TRIP13: variants seen among roughly 807,000 people sequenced by gnomAD.
TRIP13 encodes pachytene checkpoint protein 2 homolog.
In TRIP13, 25 loss-of-function variants were observed where a neutral mutation model predicts 54.4. That is an observed-to-expected ratio of 0.46 (90% confidence interval 0.33 to 0.64). The LOEUF (loss-of-function observed/expected upper bound fraction) is 0.64. Ranked by LOEUF, TRIP13 falls within the 30% of genes least tolerant of loss-of-function variation. The pLI, the probability that TRIP13 is intolerant of heterozygous loss-of-function variation, is 0.02. For missense variants in TRIP13, 373 were observed against 534.2 expected, an observed-to-expected ratio of 0.70 and a Z score of 2.97; for synonymous variants, 207 against 207.8, an observed-to-expected ratio of 1.00 and a Z score of 0.03.
At chr5:910,972 C>CA (rs756752907) in intron 9 of TRIP13, among the ~76,000 whole-genome samples, 6 of 152,254 alleles carry the variant, frequency 3.9e-5, no homozygotes, top group Non-Finnish European at 8.8e-5. Context: ...TGACCTTCCC[C>CA]AGGCAGCAGT....
Position 917,372 on chromosome 5 carries a change from C to T in TRIP13, c.*269C>T, listed in dbSNP as rs1279674907. The stretch of plus-strand genomic sequence containing the variant: ...TGTTTGTCTCCTTGTGAAGAACCAT[C>T]GAAACCTGTTTGTTCCCAGCCCACC... On this transcript the variant is annotated 3_prime_UTR_variant, in exon 13 of 13. Coordinates refer to ENST00000166345, the MANE Select transcript of TRIP13 (RefSeq NM_004237.4). The T allele has an allele frequency of 5.9e-6, 2 of 341,324 alleles. No individual in the cohort carries two copies. Among genetic ancestry groups the T allele is most frequent in the South Asian group, 4.7e-5 (1 of 21,338 alleles). 21.1% of individuals were successfully genotyped at this position (341,324 alleles called of 1,614,324 possible).
intron 4 of TRIP13, among the ~76,000 whole-genome samples, chr5:900,828 G>T (rs1203446122): frequency 2.6e-5 from 4 of 152,152 alleles, no homozygotes; most frequent in Admixed American, 6.5e-5. Context: ...AGCAAGCCTG[G>T]TCCGCACAAA....
At chr5:896,921 C>T in intron 3 of TRIP13, 127 bp downstream of exon 3, 1 of 1,144,386 alleles carries the variant, frequency 8.7e-7, no homozygotes, top group Non-Finnish European at 1.2e-6. Context: ...TGTTTTCTCT[C>T]TTATGAAATG....
chr5:905,234 C>T (rs1483452155), intron 6 of TRIP13, among the ~76,000 whole-genome samples: 4 of 152,014 alleles, frequency 2.6e-5, no homozygotes, highest in Non-Finnish European at 4.4e-5. Flanking sequence ...CTGAAGGATC[C>T]GTGGGCACTC....
intron 2 of TRIP13, among the ~76,000 whole-genome samples, chr5:896,464 A>C (rs778304457): frequency 2.6e-5 from 4 of 152,240 alleles, no homozygotes; most frequent in Non-Finnish European, 5.9e-5. Context: ...GGGCCCAAAG[A>C]GCAAGGGATG....
At position 911,766 on chromosome 5, in the gene TRIP13, C is replaced by G; in HGVS notation, c.867-77C>G. The stretch of plus-strand genomic sequence containing the variant: ...TGCTGGCCATCGTCCTGCCAACCTC[C>G]TTGCCAGATAGGGCAGGATAGAATT... On this transcript the variant is annotated intron_variant, in intron 9 of 12. Coordinates refer to ENST00000166345, the MANE Select transcript of TRIP13 (RefSeq NM_004237.4). The surrounding 1 kb of genome is among the most constrained non-coding windows in gnomAD (Gnocchi z 4.7). The G allele has an allele frequency of 6.6e-7, 1 of 1,522,484 alleles. No homozygotes were observed. 94.3% of individuals were successfully genotyped at this position (1,522,484 alleles called of 1,614,324 possible). A position where few individuals can be genotyped will look rare whatever the true frequency, so the allele number is the denominator to read the frequency against.
rs1479709966 is a variant in TRIP13 at position 911,498 on chromosome 5, G to A, written c.867-345G>A. Among the ~76,000 whole-genome samples the A allele has an allele frequency of 3.3e-5, 5 of 151,976 alleles. No individual in the cohort carries two copies. The highest frequency in any genetic ancestry group is 5.9e-5 in the Non-Finnish European group (4 of 67,984). ...AGGCAGGAGAATGGTGTGAACCGGC[G>A]AGGCGGAGCTTGCAGTGAGCCGAGA... On this transcript the variant is annotated intron_variant, in intron 9 of 12. Coordinates refer to ENST00000166345, the MANE Select transcript of TRIP13 (RefSeq NM_004237.4). The surrounding 1 kb of genome is among the most constrained non-coding windows in gnomAD (Gnocchi z 4.7).
Position 907,286 on chromosome 5 carries a change from GA to G in TRIP13, c.672+94del. 1.7e-6 allele frequency: 2 copies of G among 1,143,592 alleles called. No individual in the cohort carries two copies. The highest frequency in any genetic ancestry group is 2.6e-6 in the Non-Finnish European group (2 of 774,832). 70.8% of individuals were successfully genotyped at this position (1,143,592 alleles called of 1,614,324 possible). ...AAATCCTCCTCCAGAAGCTTCAGGA[GA>G]GAACTGGGTGGGAAGGGTGTGTGAG... On this transcript the variant is annotated intron_variant, in intron 7 of 12. Coordinates refer to ENST00000166345, the MANE Select transcript of TRIP13 (RefSeq NM_004237.4). This position sits in a 1 kb window ranked among gnomAD's most constrained non-coding sequence, Gnocchi z 4.1.
chr5:907,211 A>G lies in TRIP13; in HGVS notation c.672+18A>G. ...TTTCGGAAGTAAGTATTAAATATTA[A>G]TTCTAATTGTCTGGATTGTATAGCT... On this transcript the variant is annotated intron_variant, in intron 7 of 12. Coordinates refer to ENST00000166345, the MANE Select transcript of TRIP13 (RefSeq NM_004237.4). This position sits in a 1 kb window ranked among gnomAD's most constrained non-coding sequence, Gnocchi z 4.1. 1 of 1,599,072 alleles carries G rather than the reference A, an allele frequency of 6.3e-7. No homozygotes were observed. Among genetic ancestry groups the G allele is most frequent in the Non-Finnish European group, 8.6e-7 (1 of 1,166,558 alleles).
At position 914,359 on chromosome 5, in the gene TRIP13, G is replaced by A. The variant is rs2289828; in HGVS notation, c.1021-106G>A. ...GTCACCGTCTGGATTTCTGTGAGAC[G>A]TGGCGTGGTTGACATTTGACCTGCA... On this transcript the variant is annotated intron_variant, in intron 10 of 12. Coordinates refer to ENST00000166345, the MANE Select transcript of TRIP13 (RefSeq NM_004237.4). 8.2e-6 allele frequency: 6 copies of A among 735,002 alleles called. No homozygotes were observed. In the East Asian group the frequency reaches 1.5e-4, roughly 18 times the overall value. 45.5% of individuals were successfully genotyped at this position (735,002 alleles called of 1,614,324 possible).
chr5:904,716 G>T (rs751068143), intron 6 of TRIP13, among the ~76,000 whole-genome samples: 1 of 151,562 alleles, frequency 6.6e-6, no homozygotes, highest in African/African-American at 2.4e-5. Flanking sequence ...TGTTTTATTC[G>T]AAAGTTTCTA....
rs79713015 is a variant in TRIP13 at position 895,913 on chromosome 5, T to C, written c.259-752T>C. On this transcript the variant is annotated intron_variant, in intron 2 of 12. Transcript: ENST00000166345. ...GAGGTCAGTTAATAAATGTAGGAATTCCATATATCTACACTATGTACAATA... is the reference window on the plus strand; with the variant it reads ...GAGGTCAGTTAATAAATGTAGGAATCCCATATATCTACACTATGTACAATA... 9.2e-5 allele frequency among the ~76,000 whole-genome samples: 14 copies of C among 151,814 alleles called. No homozygotes were observed. In the East Asian group the frequency reaches 2.7e-3, roughly 29 times the overall value.
chr5:902,490 A>G (rs1234553277), intron 5 of TRIP13, among the ~76,000 whole-genome samples: 1 of 152,182 alleles, frequency 6.6e-6, no homozygotes, highest in African/African-American at 2.4e-5. Flanking sequence ...ATTCTTGAAA[A>G]TACCTGCAGA....
Position 892,956 on chromosome 5 carries a change from G to C in TRIP13, c.-43G>C. ...CGGCGACGCTGGGCGTGAGGTGGCG[G>C]CGGCCGCGCCCTGGTTGGGTCCCCA... is the stretch of plus-strand genomic sequence containing the variant. On this transcript the variant is annotated 5_prime_UTR_variant, in exon 1 of 13. Transcript: ENST00000166345. The C allele has an allele frequency of 6.9e-7, 1 of 1,442,252 alleles. No individual in the cohort carries two copies. The highest frequency in any genetic ancestry group is 9.1e-7 in the Non-Finnish European group (1 of 1,097,818). The allele number at this position is 1,442,252 out of a possible 1,614,324, so 89.3% of individuals were successfully genotyped here.
At chr5:896,206 A>G (rs896616027) in intron 2 of TRIP13, among the ~76,000 whole-genome samples, 1 of 152,202 alleles carries the variant, frequency 6.6e-6, no homozygotes, top group African/African-American at 2.4e-5. Flanking sequence ...TCAGCTACTC[A>G]GAAGGCTGGA....
Position 911,529 on chromosome 5 carries a change from C to T in TRIP13, c.867-314C>T, listed in dbSNP as rs1481757392. Among the ~76,000 whole-genome samples the T allele has an allele frequency of 6.6e-6, 1 of 151,668 alleles. No individual in the cohort carries two copies. The highest frequency in any genetic ancestry group is 2.4e-5 in the African/African-American group (1 of 41,254). ...GAGCTTGCAGTGAGCCGAGATAGCA[C>T]CACTGCACTCCAGCCTGGGCGAAAG... On this transcript the variant is annotated intron_variant, in intron 9 of 12. Coordinates refer to ENST00000166345, the MANE Select transcript of TRIP13 (RefSeq NM_004237.4). The surrounding 1 kb of genome is among the most constrained non-coding windows in gnomAD (Gnocchi z 4.7).
Position 892,998 on chromosome 5 carries a change from C to T in TRIP13, c.-1C>T, listed in dbSNP as rs977174975. On this transcript the variant is annotated 5_prime_UTR_variant, in exon 1 of 13. Coordinates refer to ENST00000166345, the MANE Select transcript of TRIP13 (RefSeq NM_004237.4). ...GGGTCCCCACTGCTCTCGGGGGCGC[C>T]ATGGACGAGGCCGTGGGCGACCTGA... 3.8e-6 allele frequency: 6 copies of T among 1,570,532 alleles called. No homozygotes were observed. In the African/African-American group the frequency reaches 5.5e-5, roughly 14 times the overall value.
rs570139463 is a variant in TRIP13 at position 911,119 on chromosome 5, C to G, written c.867-724C>G. 1.3e-5 allele frequency among the ~76,000 whole-genome samples: 2 copies of G among 152,220 alleles called. No individual in the cohort carries two copies. The highest frequency in any genetic ancestry group is 1.9e-4 in the East Asian group (1 of 5,200). On this transcript the variant is annotated intron_variant, in intron 9 of 12. Transcript: ENST00000166345. This position sits in a 1 kb window ranked among gnomAD's most constrained non-coding sequence, Gnocchi z 4.7. ...CAACAGACCAGACAACAGGGGCTCT[C>G]TCTATGGAGTTTAGACGCTAGAGGG...
At chr5:893,549 T>C in intron 1 of TRIP13, 1 of 191,032 alleles carries the variant, frequency 5.2e-6, no homozygotes, top group South Asian at 7.4e-5. Context: ...CCTCACGGAC[T>C]CGATGTTAAA....
Sources: gnomAD v4.1 joint callset for allele counts (sites outside exome capture counted in the v4.1 genomes callset) on GRCh38, gnomAD v4.1.1 for gene constraint, Gnocchi (gnomAD v3.1) non-coding constraint, MANE v1.5 for transcripts, NCBI Gene and HGNC (gene_info 2026-07-23, HGNC 2026-07-21) for gene names.